Variants in MACROD2 observed in about 807,000 individuals in gnomAD.
MACROD2 encodes ADP-ribose glycohydrolase MACROD2.
In MACROD2, 36 loss-of-function variants were observed where a neutral mutation model predicts 70.4. That is an observed-to-expected ratio of 0.51 (90% CI 0.39 to 0.68). The LOEUF (loss-of-function observed/expected upper bound fraction) is 0.68. Ranked by LOEUF, MACROD2 falls within the 30% of genes least tolerant of loss-of-function variation. The probability of loss-of-function intolerance (pLI) is 0.00; values close to 1 mark genes in which losing one functional copy is unlikely to be tolerated. For synonymous variants in MACROD2, 172 were observed against 178.8 expected (o/e 0.96, Z 0.30); for missense variants, 496 against 538.4 (o/e 0.92, Z 0.78).
At chr20:14,052,439 T>G (rs2053579707) in intron 2 of MACROD2, among the ~76,000 whole-genome samples, 1 of 152,190 alleles carries the variant, frequency 6.6e-6, no homozygotes, top group Non-Finnish European at 1.5e-5. Context: ...ATACAAATCT[T>G]ATTTGTAACT....
chr20:15,545,204 T>A (rs957997468), intron 8 of MACROD2, among the ~76,000 whole-genome samples: 1 of 152,182 alleles, frequency 6.6e-6, no homozygotes, highest in African/African-American at 2.4e-5. Context: ...AATTATGATG[T>A]TTGGCAAAGG....
chr20:15,937,735 A>G (rs1023284321), intron 12 of MACROD2, among the ~76,000 whole-genome samples, 191 bp downstream of exon 12: 422 of 149,122 alleles, frequency 2.8e-3, no homozygotes, highest in Non-Finnish European at 4.6e-3. Flanking sequence ...AAATTTATAT[A>G]TATATATATA....
At chr20:15,071,464 T>C (rs1291440766) in intron 5 of MACROD2, among the ~76,000 whole-genome samples, 1 of 152,134 alleles carries the variant, frequency 6.6e-6, no homozygotes, top group Non-Finnish European at 1.5e-5. Flanking sequence ...GCAGAGGGGC[T>C]CAATAAATGT....
intron 12 of MACROD2, among the ~76,000 whole-genome samples, chr20:15,958,938 A>G (rs1247689449): frequency 6.6e-6 from 1 of 152,170 alleles, no homozygotes; most frequent in African/African-American, 2.4e-5. Context: ...TTGATCTTAG[A>G]TTTCCAACCT....
chr20:14,848,953 C>A (rs567395116), intron 5 of MACROD2, among the ~76,000 whole-genome samples: 4 of 152,038 alleles, frequency 2.6e-5, no homozygotes, highest in Non-Finnish European at 5.9e-5. Flanking sequence ...ACTTATCGGT[C>A]GTGGCATTTT....
At chr20:14,705,789 T>A (rs1204827947) in intron 5 of MACROD2, among the ~76,000 whole-genome samples, 1 of 152,176 alleles carries the variant, frequency 6.6e-6, no homozygotes, top group Non-Finnish European at 1.5e-5. Context: ...TTTATGAAGT[T>A]AAAGACAAAT....
chr20:14,396,105 T>A (rs2083577273), intron 3 of MACROD2, among the ~76,000 whole-genome samples: 1 of 152,198 alleles, frequency 6.6e-6, no homozygotes, highest in Admixed American at 6.5e-5. Context: ...TTAGTATGAC[T>A]TAAATCCTTT....
At chr20:15,114,418 G>C (rs1358011808) in intron 5 of MACROD2, among the ~76,000 whole-genome samples, 2 of 152,166 alleles carry the variant, frequency 1.3e-5, no homozygotes, top group Non-Finnish European at 2.9e-5. Context: ...GCCATATTAT[G>C]AGAGGGGGAT....
At chr20:14,626,125 A>G (rs1666963204) in intron 4 of MACROD2, among the ~76,000 whole-genome samples, 1 of 152,124 alleles carries the variant, frequency 6.6e-6, no homozygotes, top group South Asian at 2.1e-4. Flanking sequence ...TACCTGACCA[A>G]GTTTCTGTTC....
intron 5 of MACROD2, among the ~76,000 whole-genome samples, chr20:15,006,768 A>G (rs899476717): frequency 1.3e-5 from 2 of 152,086 alleles, no homozygotes; most frequent in East Asian, 1.9e-4. Context: ...TTCCTGTACA[A>G]TGTCTGCTGT....
chr20:15,913,418 G>T (rs147059429), intron 10 of MACROD2, among the ~76,000 whole-genome samples: 76 of 152,080 alleles, frequency 5.0e-4, no homozygotes, highest in African/African-American at 1.8e-3. Flanking sequence ...TTTCATCTGT[G>T]TGGAAATATT....
intron 8 of MACROD2, among the ~76,000 whole-genome samples, chr20:15,707,600 A>G (rs1288008892): frequency 6.6e-6 from 1 of 152,280 alleles, no homozygotes; most frequent in South Asian, 2.1e-4. Flanking sequence ...CCTGGCCAAC[A>G]TGGGGAAACC....
In MACROD2 at chr20:14,326,062, A is replaced by G. The variant is rs758525902; in HGVS notation, c.272-167417A>G. ...AAATAGGTAGAGGTTGCTGGTTTCC[A>G]TGGGAACCATGCATACTTTATAGGG... On this transcript the variant is annotated intron_variant, in intron 3 of 17. Transcript: ENST00000684519. This position sits in a 1 kb window ranked among gnomAD's most constrained non-coding sequence, Gnocchi z 5.5. 6.2e-7 allele frequency: 1 copy of G among 1,613,844 alleles called. No individual in the cohort carries two copies. The highest frequency in any genetic ancestry group is 8.5e-7 in the Non-Finnish European group (1 of 1,179,894).
At chr20:15,833,197 T>C (rs1447413546) in intron 8 of MACROD2, among the ~76,000 whole-genome samples, 2 of 152,220 alleles carry the variant, frequency 1.3e-5, no homozygotes, top group Non-Finnish European at 2.9e-5. Context: ...TTCATCATTG[T>C]TAATGACTAT....
At chr20:15,418,448 C>T (rs751265452) in intron 6 of MACROD2, among the ~76,000 whole-genome samples, 3 of 152,166 alleles carry the variant, frequency 2.0e-5, no homozygotes, top group Non-Finnish European at 2.9e-5. Context: ...ATCCATAGCA[C>T]CTGGCCCATA....
At chr20:15,946,916 G>A (rs1426484379) in intron 12 of MACROD2, among the ~76,000 whole-genome samples, 1 of 152,140 alleles carries the variant, frequency 6.6e-6, no homozygotes, top group Non-Finnish European at 1.5e-5. Context: ...GAGAAGGTCA[G>A]CAAGAAAACA....
At chr20:14,373,536 C>A (rs1319376146) in intron 3 of MACROD2, among the ~76,000 whole-genome samples, 1 of 152,124 alleles carries the variant, frequency 6.6e-6, no homozygotes, top group Non-Finnish European at 1.5e-5. Flanking sequence ...AGATCCCTCA[C>A]TCTAGCCCCT....
At chr20:14,727,868 A>G (rs1478744321) in intron 5 of MACROD2, among the ~76,000 whole-genome samples, 1 of 152,108 alleles carries the variant, frequency 6.6e-6, no homozygotes, top group Non-Finnish European at 1.5e-5. Context: ...AGATATTATT[A>G]TTACTTTTCC....
At chr20:15,512,313 A>C (rs1341814569) in intron 8 of MACROD2, among the ~76,000 whole-genome samples, 1 of 152,252 alleles carries the variant, frequency 6.6e-6, no homozygotes, top group African/African-American at 2.4e-5. Context: ...TGTAAACAGT[A>C]GAGGCCTTTT....
Sources: gnomAD v4.1 joint callset for allele counts (sites outside exome capture counted in the v4.1 genomes callset) on GRCh38, gnomAD v4.1.1 for gene constraint, Gnocchi (gnomAD v3.1) non-coding constraint, MANE v1.5 for transcripts, NCBI Gene and HGNC (gene_info 2026-07-23, HGNC 2026-07-21) for gene names.